The following BCL10 variants were observed in gnomAD, a reference collection of about 807,000 sequenced individuals.
BCL10 encodes the protein B-cell lymphoma/leukemia 10.
Under a neutral mutation model 19.2 loss-of-function variants are expected in BCL10, and 5 were observed. The ratio of observed to expected loss-of-function variants is 0.26; its 90% CI spans 0.14 to 0.55. BCL10 has a LOEUF of 0.55. Ranked by LOEUF, BCL10 falls within the 20% of genes least tolerant of loss-of-function variation. The probability of loss-of-function intolerance (pLI) is 0.94; values close to 1 mark genes in which losing one functional copy is unlikely to be tolerated. For synonymous variants in BCL10, 110 were observed against 98.8 expected, an observed-to-expected ratio of 1.11 and a Z score of -0.67; for missense variants, 201 against 271.9, an observed-to-expected ratio of 0.74 and a Z score of 1.83.
chr1:85,276,428 G>C lies in BCL10; in HGVS notation c.-76C>G. The C allele has an allele frequency of 2.0e-6, 3 of 1,524,692 alleles. No individual in the cohort carries two copies. Among genetic ancestry groups the C allele is most frequent in the East Asian group, 4.5e-5 (2 of 44,344 alleles). The allele number at this position is 1,524,692 out of a possible 1,614,324, so 94.4% of individuals were successfully genotyped here. A position where few individuals can be genotyped will look rare whatever the true frequency, so the allele number is the denominator to read the frequency against. On this transcript the variant is annotated 5_prime_UTR_variant, in exon 1 of 3. Transcript: ENST00000648566. ...CCGCCCCGCCCTGGCTGGGGGCTTC[G>C]GCCTCCGGGTAATGGGGAAGAAGGA...
chr1:85,266,207 T>C lies in BCL10; in HGVS notation c.*1420A>G, dbSNP rs923159934. 1 of 187,316 alleles carries C rather than the reference T, an allele frequency of 5.3e-6. No homozygotes were observed. Among genetic ancestry groups the C allele is most frequent in the Non-Finnish European group, 1.1e-5 (1 of 88,802 alleles). The allele number at this position is 187,316 out of a possible 1,614,324, so 11.6% of individuals were successfully genotyped here. On this transcript the variant is annotated 3_prime_UTR_variant, in exon 3 of 3. Coordinates refer to ENST00000648566, the MANE Select transcript of BCL10 (RefSeq NM_003921.5). Reference sequence around the variant, plus strand: ...GGCACGTATTAAAAAAAGTTTTAGATACTTCCTACTGAAAATTTGGAACTC... The same window carrying C: ...GGCACGTATTAAAAAAAGTTTTAGACACTTCCTACTGAAAATTTGGAACTC...
rs773197133 is a variant in BCL10 at position 85,267,966 on chromosome 1, A to ACTG, written c.360_362dup (p.Ser121dup). 3.2e-6 allele frequency: 5 copies of ACTG among 1,567,024 alleles called. No homozygotes were observed. Among genetic ancestry groups the ACTG allele is most frequent in the Non-Finnish European group, 4.3e-6 (5 of 1,157,410 alleles). ...TGGCTCCATCTGGAAAAGGTTCACA[A>ACTG]CTGCTACATTTTAGTCCTACAATAA... On this transcript the variant is annotated inframe_insertion, in exon 3 of 3. Coordinates refer to ENST00000648566, the MANE Select transcript of BCL10 (RefSeq NM_003921.5).
rs1553179578 is a variant in BCL10 at position 85,276,231 on chromosome 1, C to T, written c.57+65G>A. ...TCCTTGTCCTCGGACTCCAGGCTTC[C>T]GCTTTCGTCTCCCGCTGGGCTGCAG... On this transcript the variant is annotated intron_variant, in intron 1 of 2. Transcript: ENST00000648566. 11 of 1,580,566 alleles carry T rather than the reference C, an allele frequency of 7.0e-6. No individual in the cohort carries two copies. In the South Asian group the frequency reaches 7.8e-5, roughly 11 times the overall value.
chr1:85,276,391 G>A lies in BCL10; in HGVS notation c.-39C>T. On this transcript the variant is annotated 5_prime_UTR_variant, in exon 1 of 3. Transcript: ENST00000648566. ...GATGGCGCTTCTTCCGGGTCCGGGA[G>A]CTCGGGCTGCGCCGCCCCGCCCTGG... 6.2e-7 allele frequency: 1 copy of A among 1,609,956 alleles called. No individual in the cohort carries two copies. Among genetic ancestry groups the A allele is most frequent in the Non-Finnish European group, 8.5e-7 (1 of 1,176,948 alleles).
intron 2 of BCL10, among the ~76,000 whole-genome samples, chr1:85,268,628 C>T (rs1398187728): frequency 6.6e-6 from 1 of 151,934 alleles, no homozygotes; most frequent in Non-Finnish European, 1.5e-5. Flanking sequence ...ATTAGCCAGG[C>T]GTGGTGGCAG....
intron 1 of BCL10, among the ~76,000 whole-genome samples, chr1:85,271,438 A>C (rs567538976): frequency 6.6e-6 from 1 of 152,174 alleles, no homozygotes; most frequent in East Asian, 1.9e-4. Context: ...GAAAGACTAC[A>C]CTCTAACTCA....
chr1:85,275,715 T>C (rs1660502072), intron 1 of BCL10, among the ~76,000 whole-genome samples: 1 of 152,212 alleles, frequency 6.6e-6, no homozygotes, highest in African/African-American at 2.4e-5. Context: ...CTACTGAATA[T>C]TTTCGACGTT....
chr1:85,267,702 T>C lies in BCL10; in HGVS notation c.627A>G (p.Leu209=). The change falls in exon 3 of 3, where the codon TTA becomes TTG. Residue 209 remains leucine, a synonymous_variant. Transcript: ENST00000648566. ...AGTTTGCACAAGTTCCTTCTTCTTCTAACTGTAGATCTGGTGGCAAAGGAG... is the reference window on the plus strand; with the variant it reads ...AGTTTGCACAAGTTCCTTCTTCTTCCAACTGTAGATCTGGTGGCAAAGGAG... The part of the protein sequence containing the change: ...GAPPLPPDLQ[L]EEEGTCANSS... 6.2e-7 allele frequency: 1 copy of C among 1,614,158 alleles called. No homozygotes were observed. The highest frequency in any genetic ancestry group is 8.5e-7 in the Non-Finnish European group (1 of 1,180,026).
At chr1:85,273,865 C>T (rs938695409) in intron 1 of BCL10, among the ~76,000 whole-genome samples, 3 of 152,140 alleles carry the variant, frequency 2.0e-5, no homozygotes, top group Non-Finnish European at 4.4e-5. Context: ...AATTCTTCAA[C>T]AAGTCCCTAC....
intron 1 of BCL10, among the ~76,000 whole-genome samples, chr1:85,271,991 G>T (rs1660380020): frequency 6.6e-6 from 1 of 152,122 alleles, no homozygotes; most frequent in Admixed American, 6.5e-5. Context: ...AGGGCTCATG[G>T]TCTAGCTGGG....
At chr1:85,272,601 G>A (rs746073512) in intron 1 of BCL10, among the ~76,000 whole-genome samples, 16 of 152,098 alleles carry the variant, frequency 1.1e-4, no homozygotes, top group Non-Finnish European at 2.1e-4. Context: ...GTTCTGCCCT[G>A]TCTTAAAGGA....
rs1660345650 is a variant in BCL10 at position 85,270,658 on chromosome 1, T to C, written c.306A>G (p.Glu102=). The C allele has an allele frequency of 6.2e-7, 1 of 1,610,554 alleles. No homozygotes were observed. The highest frequency in any genetic ancestry group is 1.1e-5 in the South Asian group (1 of 89,918). Residue 102 remains glutamate, a synonymous_variant, in exon 2 of 3, where the codon GAA becomes GAG. Coordinates refer to ENST00000648566, the MANE Select transcript of BCL10 (RefSeq NM_003921.5). ...GTTTTATATTTCTAAGTTTCAGCACTTCATCTGTAATCTTCTGTATCAGGA... is the reference window on the plus strand; with the variant it reads ...GTTTTATATTTCTAAGTTTCAGCACCTCATCTGTAATCTTCTGTATCAGGA... ...QNFLIQKITD[E]VLKLRNIKLE... is the part of the protein sequence containing the mutation.
intron 1 of BCL10, among the ~76,000 whole-genome samples, chr1:85,271,504 T>G (rs138049233): frequency 7.2e-5 from 11 of 151,920 alleles, no homozygotes; most frequent in African/African-American, 2.7e-4. Context: ...TAGGGAGTGT[T>G]CGAAAAATGA....
rs1660210655 is a variant in BCL10 at position 85,266,894 on chromosome 1, A to AG, written c.*732_*733insC. 2 of 176,882 alleles carry AG rather than the reference A, an allele frequency of 1.1e-5. No homozygotes were observed. The highest frequency in any genetic ancestry group is 1.2e-5 in the Non-Finnish European group (1 of 82,606). The allele number at this position is 176,882 out of a possible 1,614,324, so 11.0% of individuals were successfully genotyped here. A position where few individuals can be genotyped will look rare whatever the true frequency, so the allele number is the denominator to read the frequency against. On this transcript the variant is annotated 3_prime_UTR_variant, in exon 3 of 3. Coordinates refer to ENST00000648566, the MANE Select transcript of BCL10 (RefSeq NM_003921.5). ...ACTGTCTCAAAAAAAAAAAAAAAAA[A>AG]AAAAGAAAAAAGGAAAAAATACCTC...
chr1:85,272,991 A>C (rs1198803017), intron 1 of BCL10, among the ~76,000 whole-genome samples: 2 of 152,190 alleles, frequency 1.3e-5, no homozygotes, highest in East Asian at 3.9e-4. Flanking sequence ...GTCTCTCTAC[A>C]TTTCCTTACG....
intron 1 of BCL10, 49 bp downstream of exon 1, chr1:85,276,247 T>A: frequency 6.3e-7 from 1 of 1,584,794 alleles, no homozygotes; most frequent in Non-Finnish European, 8.7e-7. Flanking sequence ...CGTCTCCCGC[T>A]GGGCTGCAGC....
intron 1 of BCL10, among the ~76,000 whole-genome samples, chr1:85,271,823 G>C (rs1319195460): frequency 1.3e-5 from 2 of 152,218 alleles, no homozygotes; most frequent in Non-Finnish European, 2.9e-5. Context: ...TGGCAGGAAA[G>C]TAGGCTAGGT....
In BCL10 at chr1:85,270,925, G is replaced by T. The variant is rs1441594041; in HGVS notation, c.58-19C>A. The T allele has an allele frequency of 6.3e-7, 1 of 1,586,408 alleles. No individual in the cohort carries two copies. Among genetic ancestry groups the T allele is most frequent in the South Asian group, 1.2e-5 (1 of 86,466 alleles). Reference sequence around the variant, plus strand: ...CTAAGGCCTAAAAGACATAAAATATGGTTCAATGTTATTTTTAACATCTAA... The same window carrying T: ...CTAAGGCCTAAAAGACATAAAATATTGTTCAATGTTATTTTTAACATCTAA... On this transcript the variant is annotated intron_variant, in intron 1 of 2. Coordinates refer to ENST00000648566, the MANE Select transcript of BCL10 (RefSeq NM_003921.5).
In BCL10 at chr1:85,267,356, G is replaced by A. The variant is rs1660228249; in HGVS notation, c.*271C>T. ...AGAGATATATTCCCTATTAAAATCA[G>A]TCTTAAAATAGAAAATATTTAAAAA... On this transcript the variant is annotated 3_prime_UTR_variant, in exon 3 of 3. Coordinates refer to ENST00000648566, the MANE Select transcript of BCL10 (RefSeq NM_003921.5). 4 of 350,694 alleles carry A rather than the reference G, an allele frequency of 1.1e-5. No individual in the cohort carries two copies. The highest frequency in any genetic ancestry group is 2.1e-5 in the Non-Finnish European group (4 of 194,406). The allele number at this position is 350,694 out of a possible 1,614,324, so 21.7% of individuals were successfully genotyped here.
Sources: allele counts gnomAD v4.1 joint callset (sites outside exome capture counted in the v4.1 genomes callset), GRCh38; gene constraint gnomAD v4.1.1; transcripts MANE v1.5; gene names NCBI Gene and HGNC (gene_info 2026-07-23, HGNC 2026-07-21).